SLC25A26: variants seen among roughly 807,000 people sequenced by gnomAD.
The protein encoded by SLC25A26 is solute carrier family 25 member 26, also known as mitochondrial S-adenosylmethionine carrier protein.
Under a neutral mutation model 37.8 loss-of-function variants are expected in SLC25A26, and 36 were observed. The ratio of observed to expected loss-of-function variants is 0.95; its 90% CI spans 0.73 to 1.26. The LOEUF (loss-of-function observed/expected upper bound fraction) is 1.26, where lower values mean the gene tolerates loss of function less well. Among genes scored for constraint, SLC25A26 ranks in the 50% most tolerant of loss-of-function variants. SLC25A26 has a pLI of 0.00. For synonymous variants in SLC25A26, 129 were observed against 122.5 expected, an observed-to-expected ratio of 1.05 and a Z score of -0.35; for missense variants, 390 against 331.1, an observed-to-expected ratio of 1.18 and a Z score of -1.38.
intron 1 of SLC25A26, among the ~76,000 whole-genome samples, chr3:66,172,290 A>C (rs1418898218): frequency 2.0e-5 from 3 of 151,740 alleles, no homozygotes; most frequent in Non-Finnish European, 2.9e-5. Flanking sequence ...ATGCACCTGA[A>C]GTCCCAGCTA....
intron 1 of SLC25A26, among the ~76,000 whole-genome samples, chr3:66,222,688 A>G (rs1553659018): frequency 6.6e-6 from 1 of 152,224 alleles, no homozygotes; most frequent in Non-Finnish European, 1.5e-5. Flanking sequence ...AAAATCACAC[A>G]AGTGAGATCC....
intron 1 of SLC25A26, among the ~76,000 whole-genome samples, chr3:66,162,942 G>T (rs990897941): frequency 3.3e-5 from 5 of 152,212 alleles, no homozygotes; most frequent in African/African-American, 1.2e-4. Context: ...TAAGGCCACA[G>T]AGCGAGCAAA....
At position 66,149,599 on chromosome 3, in the gene SLC25A26, C is replaced by T. The variant is rs1244711858; in HGVS notation, c.-354+15615C>T. On this transcript the variant is annotated intron_variant, in intron 1 of 10. Transcript: ENST00000676754. The stretch of plus-strand genomic sequence containing the variant: ...TGTTTTCATTTATTCCTATAATAAC[C>T]CTTAGAAGAAAATAACATATGATTA... Among the ~76,000 whole-genome samples the T allele has an allele frequency of 2.0e-5, 3 of 152,034 alleles. No homozygotes were observed. In the East Asian group the frequency reaches 5.8e-4, roughly 29 times the overall value.
intron 5 of SLC25A26, among the ~76,000 whole-genome samples, chr3:66,288,771 G>A (rs989787382): frequency 3.3e-5 from 5 of 152,128 alleles, no homozygotes; most frequent in Admixed American, 3.3e-4. Flanking sequence ...GTTGTGAATA[G>A]TGCCGCAATA....
chr3:66,209,087 G>GATAT (rs2071232697), intron 1 of SLC25A26, among the ~76,000 whole-genome samples: 3 of 39,990 alleles, frequency 7.5e-5, no homozygotes, highest in Non-Finnish European at 1.2e-4. Flanking sequence ...CCCATATAAA[G>GATAT]ATGTATATAT....
intron 1 of SLC25A26, among the ~76,000 whole-genome samples, chr3:66,173,430 G>A (rs2070529146): frequency 6.6e-6 from 1 of 152,186 alleles, no homozygotes; most frequent in Admixed American, 6.5e-5. Flanking sequence ...CTACAGTCTT[G>A]TAGGTAATGC....
intron 1 of SLC25A26, among the ~76,000 whole-genome samples, chr3:66,136,678 G>A (rs891730741): frequency 6.6e-6 from 1 of 152,222 alleles, no homozygotes; most frequent in African/African-American, 2.4e-5. Context: ...CAGCCGCTAG[G>A]TTTCTCTCTT....
At position 66,328,208 on chromosome 3, in the gene SLC25A26, A is replaced by G. The variant is rs545939370; in HGVS notation, c.454-18156A>G. ...TTGTGATGATGATGCATTCTTTTGT[A>G]ATGATATGAAAAGAGAATAAAAGTC... On this transcript the variant is annotated intron_variant, in intron 5 of 9. Transcript: ENST00000354883. Among the ~76,000 whole-genome samples the G allele has an allele frequency of 2.4e-4, 36 of 152,304 alleles. No homozygotes were observed. In the South Asian group the frequency reaches 7.3e-3, roughly 31 times the overall value.
chr3:66,357,387 C>T (rs2076600799), intron 6 of SLC25A26, among the ~76,000 whole-genome samples: 1 of 152,170 alleles, frequency 6.6e-6, no homozygotes, highest in African/African-American at 2.4e-5. Context: ...GCACTCCAGC[C>T]TGGGTAACAG....
At position 66,253,032 on chromosome 3, in the gene SLC25A26, C is replaced by CG. The variant is rs1021042735; in HGVS notation, c.301-9019_301-9018insG. Reference sequence around the variant, plus strand: ...TGATAGGCAAAATAATGCCCCCCCCCCCCCATAAATATGTCCTAGTCCCCA... The same window carrying CG: ...TGATAGGCAAAATAATGCCCCCCCCCGCCCCATAAATATGTCCTAGTCCCCA... On this transcript the variant is annotated intron_variant, in intron 3 of 9. Coordinates refer to ENST00000354883, the MANE Select transcript of SLC25A26 (RefSeq NM_001379210.1). Among the ~76,000 whole-genome samples, 10 of 148,640 alleles carry CG rather than the reference C, an allele frequency of 6.7e-5. No individual in the cohort carries two copies. The South Asian group carries it at 1.5e-3, about 23-fold the overall frequency.
At chr3:66,164,371 A>G (rs2070397664) in intron 1 of SLC25A26, among the ~76,000 whole-genome samples, 1 of 152,182 alleles carries the variant, frequency 6.6e-6, no homozygotes, top group Non-Finnish European at 1.5e-5. Flanking sequence ...AATAGCTGCC[A>G]TAGCTCCATT....
chr3:66,206,871 C>A (rs1320580359), intron 1 of SLC25A26, among the ~76,000 whole-genome samples: 1 of 151,262 alleles, frequency 6.6e-6, no homozygotes, highest in Non-Finnish European at 1.5e-5. Flanking sequence ...GCACTACCAC[C>A]CCTGGCTAAT....
chr3:66,175,900 T>C (rs890688698), intron 1 of SLC25A26, among the ~76,000 whole-genome samples: 2 of 152,224 alleles, frequency 1.3e-5, no homozygotes, highest in East Asian at 3.8e-4. Flanking sequence ...TGACCAAATA[T>C]CTGGGCATCC....
intron 1 of SLC25A26, among the ~76,000 whole-genome samples, chr3:66,159,976 C>T (rs965044020): frequency 5.9e-5 from 9 of 152,038 alleles, no homozygotes; most frequent in East Asian, 3.9e-4. Context: ...GAAAGACCTG[C>T]GCTGCATTAA....
intron 1 of SLC25A26, among the ~76,000 whole-genome samples, chr3:66,214,411 A>G (rs2071331016): frequency 6.6e-6 from 1 of 152,190 alleles, no homozygotes; most frequent in African/African-American, 2.4e-5. Flanking sequence ...TTCCTTTATA[A>G]CGATGCAAAA....
chr3:66,370,433 G>A, intron 8 of SLC25A26, 96 bp from the exon 9 acceptor site: 1 of 967,462 alleles, frequency 1.0e-6, no homozygotes, highest in Non-Finnish European at 1.6e-6. Flanking sequence ...TCTAGATGAG[G>A]GTGACGGGGA....
intron 1 of SLC25A26, among the ~76,000 whole-genome samples, chr3:66,168,153 C>CAA (rs1238897849): frequency 4.7e-3 from 250 of 53,432 alleles, no homozygotes; most frequent in African/African-American, 0.012. Context: ...AACTCAGTCT[C>CAA]AAAAAAAATA....
At chr3:66,218,623 C>T (rs1406578484), upstream of SLC25A26, among the ~76,000 whole-genome samples, 1 of 152,178 alleles carries the variant, frequency 6.6e-6, no homozygotes, top group African/African-American at 2.4e-5. Context: ...CCTGTGTAAA[C>T]AATAGACTAT....
chr3:66,204,163 C>T (rs1051074969), intron 1 of SLC25A26, among the ~76,000 whole-genome samples: 3 of 152,064 alleles, frequency 2.0e-5, no homozygotes, highest in African/African-American at 7.2e-5. Context: ...CGGTGGCTCA[C>T]GCCTGTAATC....
Sources: gnomAD v4.1 joint callset for allele counts (sites outside exome capture counted in the v4.1 genomes callset) on GRCh38, gnomAD v4.1.1 for gene constraint, MANE v1.5 for transcripts, NCBI Gene and HGNC (gene_info 2026-07-23, HGNC 2026-07-21) for gene names.